MUC20: variants seen among roughly 807,000 people sequenced by gnomAD.
The protein encoded by MUC20 is mucin-20.
MUC20 carries 14 observed loss-of-function variants against 23.8 expected under a neutral mutation model. That is an observed-to-expected ratio of 0.59 (90% CI 0.39 to 0.92). The LOEUF is 0.92. Ranked by LOEUF, MUC20 falls within the 40% of genes least tolerant of loss-of-function variation. The pLI, the probability that MUC20 is intolerant of heterozygous loss-of-function variation, is 0.00. For synonymous variants in MUC20, 166 were observed against 279.3 expected (o/e 0.59, Z 4.04); for missense variants, 375 against 668.8 (o/e 0.56, Z 4.85).
chr3:195,727,168 G>A (rs1462827753), intron 2 of MUC20, among the ~76,000 whole-genome samples: 1 of 152,256 alleles, frequency 6.6e-6, no homozygotes, highest in African/African-American at 2.4e-5. Context: ...GGGAGGCAGA[G>A]GCCGGCGGAT....
At position 195,726,026 on chromosome 3, in the gene MUC20, A is replaced by T. The variant is rs756652109; in HGVS notation, c.1423A>T (p.Thr475Ser). ...AGCAAAACCACACATCACTGAGGTCACAGCCTCTGCCGAGACCCTGTCCAC... is the reference window on the plus strand; with the variant it reads ...AGCAAAACCACACATCACTGAGGTCTCAGCCTCTGCCGAGACCCTGTCCAC... ...TEAKPHITEV[T>S]ASAETLSTAG... The change falls in exon 2 of 4, where the codon ACA becomes TCA. Residue 475 changes from threonine to serine, a missense_variant. Physicochemically the swap from Thr to Ser is moderately conservative, Grantham distance 58. Coordinates refer to ENST00000447234, the MANE Select transcript of MUC20 (RefSeq NM_001282506.2). 1.2e-6 allele frequency: 2 copies of T among 1,613,904 alleles called. No individual in the cohort carries two copies.
intron 3 of MUC20, among the ~76,000 whole-genome samples, chr3:195,731,416 C>T (rs115066379): frequency 0.11 from 16,659 of 150,718 alleles, no homozygotes; most frequent in Middle Eastern, 0.16. Flanking sequence ...TTGTTGCAGG[C>T]GAAAGAAAAC....
At chr3:195,727,651 A>G (rs1284039105) in intron 2 of MUC20, among the ~76,000 whole-genome samples, 1 of 152,304 alleles carries the variant, frequency 6.6e-6, no homozygotes, top group Admixed American at 6.5e-5. Flanking sequence ...ATTATTGAAT[A>G]TCTTTCATGT....
At chr3:195,729,187 C>G (rs375463857) in intron 2 of MUC20, among the ~76,000 whole-genome samples, 396 of 152,318 alleles carry the variant, frequency 2.6e-3, no homozygotes, top group African/African-American at 9.1e-3. Flanking sequence ...AAATGCCTTT[C>G]TCCCCTGGCT....
chr3:195,729,748 G>T lies in MUC20; in HGVS notation c.2061+9G>T. The T allele has an allele frequency of 6.3e-7, 1 of 1,586,378 alleles. No homozygotes were observed. Among genetic ancestry groups the T allele is most frequent in the South Asian group, 1.1e-5 (1 of 86,986 alleles). ...AAAGGCTGATGCAGCAGGTGAGTGGGCACTTTCCGGGCCAGGGGAGTAGAG... is the reference window on the plus strand; with the variant it reads ...AAAGGCTGATGCAGCAGGTGAGTGGTCACTTTCCGGGCCAGGGGAGTAGAG... On this transcript the variant is annotated intron_variant, in intron 3 of 3. Transcript: ENST00000447234.
In MUC20 at chr3:195,733,287, A is replaced by G; in HGVS notation, c.*69A>G. ...GGTGCTGCCCCTAGCCTGGGCCCCC[A>G]CCGACAGACTGCAGCTGCGTTACTG... On this transcript the variant is annotated 3_prime_UTR_variant, in exon 4 of 4. Transcript: ENST00000447234. The G allele has an allele frequency of 1.3e-6, 2 of 1,552,490 alleles. No homozygotes were observed. The highest frequency in any genetic ancestry group is 8.7e-7 in the Non-Finnish European group (1 of 1,147,558).
chr3:195,726,681 C>G (rs1455660148), intron 2 of MUC20, 109 bp downstream of exon 2: 2 of 1,296,804 alleles, frequency 1.5e-6, no homozygotes, highest in Non-Finnish European at 2.1e-6. Flanking sequence ...CTACTCAGAG[C>G]CTGCTCCTGA....
intron 3 of MUC20, among the ~76,000 whole-genome samples, chr3:195,732,433 C>T (rs1328278244): frequency 1.3e-5 from 2 of 152,178 alleles, no homozygotes; most frequent in African/African-American, 2.4e-5. Flanking sequence ...GATCTCGGCT[C>T]ACTGCAACCT....
Position 195,726,576 on chromosome 3 carries a change from AGT to A in MUC20, c.1969+6_1969+7del. ...CCGACCACAGACGTGAGTGCAGGTAAGTGGCTCCTGCTGGTGATCTTCGGGGA... is the reference window on the plus strand; with the variant it reads ...CCGACCACAGACGTGAGTGCAGGTAAGGCTCCTGCTGGTGATCTTCGGGGA... On this transcript the variant is annotated splice_donor_5th_base_variant and intron_variant, in intron 2 of 3. Coordinates refer to ENST00000447234, the MANE Select transcript of MUC20 (RefSeq NM_001282506.2). The A allele has an allele frequency of 6.2e-7, 1 of 1,604,910 alleles. No individual in the cohort carries two copies. Among genetic ancestry groups the A allele is most frequent in the Non-Finnish European group, 8.5e-7 (1 of 1,173,670 alleles).
At chr3:195,722,865 G>C (rs1389379807) in intron 1 of MUC20, 4 of 981,794 alleles carry the variant, frequency 4.1e-6, no homozygotes, top group African/African-American at 1.8e-5. Flanking sequence ...AGGGATGAGA[G>C]TGGGTGCCCG....
At chr3:195,728,132 T>G (rs926004454) in intron 2 of MUC20, among the ~76,000 whole-genome samples, 1 of 151,974 alleles carries the variant, frequency 6.6e-6, no homozygotes, top group Non-Finnish European at 1.5e-5. Context: ...CACCTGTGGG[T>G]ATTTCTAGTC....
rs781101499 is a variant in MUC20, at chr3:195,725,970, C to G, written c.1367C>G (p.Ser456Cys). 1 of 1,613,968 alleles carries G rather than the reference C, an allele frequency of 6.2e-7. No homozygotes were observed. Among genetic ancestry groups the G allele is most frequent in the South Asian group, 1.1e-5 (1 of 91,068 alleles). The change falls in exon 2 of 4, where the codon TCC (serine) becomes TGC (cysteine). Residue 456 changes from serine to cysteine, a missense_variant. Coordinates refer to ENST00000447234, the MANE Select transcript of MUC20 (RefSeq NM_001282506.2). ...GAAGGGGTGAAGGCCTCGTCCACCT[C>G]CGATCCACCAGCTCTGCCTGACTCC... ...PTEGVKASSTSDPPALPDSTE... is the reference protein window; with the variant it reads ...PTEGVKASSTCDPPALPDSTE...
intron 2 of MUC20, among the ~76,000 whole-genome samples, chr3:195,728,417 A>C (rs1346697847): frequency 6.6e-6 from 1 of 152,288 alleles, no homozygotes; most frequent in Non-Finnish European, 1.5e-5. Flanking sequence ...CTATGCCTGG[A>C]TGTGCACGTA....
chr3:195,726,384 T>C lies in MUC20; in HGVS notation c.1781T>C (p.Ile594Thr). 1 of 1,613,892 alleles carries C rather than the reference T, an allele frequency of 6.2e-7. No homozygotes were observed. Among genetic ancestry groups the C allele is most frequent in the Non-Finnish European group, 8.5e-7 (1 of 1,179,822 alleles). ...FTPSETPTMDIATKGPFPTSR... is the reference protein window; with the variant it reads ...FTPSETPTMDTATKGPFPTSR... ...CCTTCAGAGACACCGACCATGGACA[T>C]CGCAACCAAGGGGCCCTTCCCCACC... Residue 594 changes from isoleucine (I) to threonine (T), a missense_variant, in exon 2 of 4, where the codon ATC becomes ACC. Coordinates refer to ENST00000447234, the MANE Select transcript of MUC20 (RefSeq NM_001282506.2).
chr3:195,727,538 C>T (rs1206780984), intron 2 of MUC20, among the ~76,000 whole-genome samples: 2 of 152,294 alleles, frequency 1.3e-5, no homozygotes, highest in Non-Finnish European at 2.9e-5. Flanking sequence ...CTTCCTGTCA[C>T]TCTGCCCTTG....
At chr3:195,731,683 T>C (rs1387349352) in intron 3 of MUC20, among the ~76,000 whole-genome samples, 1 of 152,284 alleles carries the variant, frequency 6.6e-6, no homozygotes, top group Non-Finnish European at 1.5e-5. Flanking sequence ...TTTGTCTCAC[T>C]GGACTTTTTG....
rs565356582 is a variant in MUC20 at position 195,733,404 on chromosome 3, C to G, written c.*186C>G. ...CAACAGGACCCTCGCTCACATCCAC[C>G]GGAGTGTATGTGTGGGGAGGGGCTT... On this transcript the variant is annotated 3_prime_UTR_variant, in exon 4 of 4. Coordinates refer to ENST00000447234, the MANE Select transcript of MUC20 (RefSeq NM_001282506.2). 20 of 1,451,968 alleles carry G rather than the reference C, an allele frequency of 1.4e-5. No individual in the cohort carries two copies. Among genetic ancestry groups the G allele is most frequent in the Admixed American group, 7.7e-5 (3 of 38,724 alleles). The allele number at this position is 1,451,968 out of a possible 1,614,324, so 89.9% of individuals were successfully genotyped here.
chr3:195,723,178 G>A (rs1234336317), intron 1 of MUC20, among the ~76,000 whole-genome samples: 5 of 150,936 alleles, frequency 3.3e-5, no homozygotes, highest in Non-Finnish European at 7.4e-5. Context: ...AGCCAGTCGT[G>A]GGCGGCACAG....
chr3:195,723,062 C>A (rs1343573408), intron 1 of MUC20, among the ~76,000 whole-genome samples: 1 of 150,644 alleles, frequency 6.6e-6, no homozygotes, highest in Non-Finnish European at 1.5e-5. Flanking sequence ...GGTATTGTGA[C>A]CCTGTTTTCT....
Sources: allele counts gnomAD v4.1 joint callset (sites outside exome capture counted in the v4.1 genomes callset), GRCh38; gene constraint gnomAD v4.1.1; transcripts MANE v1.5; gene names NCBI Gene and HGNC (gene_info 2026-07-23, HGNC 2026-07-21).